Variants in RNF168 observed in about 807,000 individuals in gnomAD.
RNF168 encodes ring finger protein 168.
In RNF168, 34 loss-of-function variants were observed where a neutral mutation model predicts 34.9. The observed-to-expected ratio is 0.97, with a 90% CI of 0.74 to 1.30. The LOEUF is 1.30. Ranked by LOEUF, RNF168 falls within the 50% of genes most tolerant of loss-of-function variation. The pLI, the probability that RNF168 is intolerant of heterozygous loss-of-function variation, is 0.00. For missense variants in RNF168, 725 were observed against 682.5 expected (o/e 1.06, Z -0.69); for synonymous variants, 264 against 254.7 (o/e 1.04, Z -0.35).
chr3:196,500,131 G>A (rs771925157), intron 1 of RNF168, among the ~76,000 whole-genome samples: 15 of 152,072 alleles, frequency 9.9e-5, no homozygotes, highest in Non-Finnish European at 1.9e-4. Flanking sequence ...ATTACCATAG[G>A]ATCTAGAAAT....
intron 1 of RNF168, among the ~76,000 whole-genome samples, chr3:196,489,337 T>A (rs112565105): frequency 6.6e-6 from 1 of 151,794 alleles, no homozygotes; most frequent in Non-Finnish European, 1.5e-5. Context: ...AAAATGTTTT[T>A]TTTTTTTGAG....
chr3:196,499,026 G>A (rs1241380340), intron 1 of RNF168, among the ~76,000 whole-genome samples: 2 of 151,930 alleles, frequency 1.3e-5, no homozygotes, highest in Admixed American at 1.3e-4. Flanking sequence ...TGAACCTTAT[G>A]CTGAATAACC....
chr3:196,471,288 AAAAC>A lies in RNF168; in HGVS notation c.*527_*530del, dbSNP rs1200794138. ...ATTTTGAAACTCCGTCTAAAAAAAA[AAAAC>A]AAACACCAAAGGAAATGCTACAATG... On this transcript the variant is annotated 3_prime_UTR_variant, in exon 6 of 6. Coordinates refer to ENST00000318037, the MANE Select transcript of RNF168 (RefSeq NM_152617.4). The A allele has an allele frequency of 3.3e-5, 5 of 151,648 alleles. No homozygotes were observed. Among genetic ancestry groups the A allele is most frequent in the African/African-American group, 7.3e-5 (3 of 41,366 alleles). 9.4% of individuals were successfully genotyped at this position (151,648 alleles called of 1,614,324 possible). A position where few individuals can be genotyped will look rare whatever the true frequency, so the allele number is the denominator to read the frequency against.
intron 1 of RNF168, among the ~76,000 whole-genome samples, chr3:196,496,604 CTG>C (rs925747453): frequency 6.6e-6 from 1 of 152,218 alleles, no homozygotes; most frequent in Admixed American, 6.5e-5. Context: ...TACAAGGACT[CTG>C]TTGCTGTTTG....
chr3:196,478,749 C>T (rs988987225), intron 4 of RNF168, among the ~76,000 whole-genome samples: 16 of 151,706 alleles, frequency 1.1e-4, no homozygotes, highest in African/African-American at 3.9e-4. Context: ...TCACTGCAAC[C>T]TCTGCCTCCC....
At chr3:196,484,365 G>A (rs1233262016) in intron 3 of RNF168, among the ~76,000 whole-genome samples, 3 of 150,976 alleles carry the variant, frequency 2.0e-5, no homozygotes, top group African/African-American at 7.3e-5. Flanking sequence ...TAGTAGAGAT[G>A]GGGTTTCACT....
chr3:196,496,115 T>A (rs1372644914), intron 1 of RNF168, among the ~76,000 whole-genome samples: 4 of 152,146 alleles, frequency 2.6e-5, no homozygotes, highest in East Asian at 1.9e-4. Flanking sequence ...ATACTGAAAA[T>A]TTTTTAAAAT....
At chr3:196,491,205 C>A (rs989979186) in intron 1 of RNF168, among the ~76,000 whole-genome samples, 1 of 151,948 alleles carries the variant, frequency 6.6e-6, no homozygotes, top group Non-Finnish European at 1.5e-5. Flanking sequence ...CTCAGCTACT[C>A]GGGAGGCTGA....
At chr3:196,474,775 G>A (rs767635778) in intron 5 of RNF168, 6 of 175,010 alleles carry the variant, frequency 3.4e-5, no homozygotes, top group Admixed American at 5.5e-5. Flanking sequence ...AAGTGAAGCT[G>A]GTGCCAGGTA....
rs192584690 is a variant in RNF168 at position 196,488,399 on chromosome 3, A to G, written c.378+208T>C. ...CGGGAGGCTGAGGCAGGAGAATGGCATGAACCCGGGAGGTGGAGGTTGCAG... is the reference window on the plus strand; with the variant it reads ...CGGGAGGCTGAGGCAGGAGAATGGCGTGAACCCGGGAGGTGGAGGTTGCAG... On this transcript the variant is annotated intron_variant, in intron 2 of 5. Transcript: ENST00000318037. Among the ~76,000 whole-genome samples the G allele has an allele frequency of 5.8e-3, 885 of 151,700 alleles. 6 individuals carry two copies. The highest frequency in any genetic ancestry group is 0.011 in the Admixed American group (170 of 15,220).
At chr3:196,479,197 G>C (rs1732226870) in intron 4 of RNF168, among the ~76,000 whole-genome samples, 1 of 145,272 alleles carries the variant, frequency 6.9e-6, no homozygotes, top group South Asian at 2.2e-4. Flanking sequence ...ATTTTTAGTA[G>C]AGATGGGGTT....
chr3:196,480,466 G>A (rs965078504), intron 4 of RNF168, among the ~76,000 whole-genome samples: 48 of 152,286 alleles, frequency 3.2e-4, no homozygotes, highest in African/African-American at 1.1e-3. Context: ...GATTAGTATT[G>A]TGTGATTCTG....
intron 1 of RNF168, among the ~76,000 whole-genome samples, chr3:196,498,096 A>G (rs1224676409): frequency 6.6e-6 from 1 of 152,224 alleles, no homozygotes; most frequent in Admixed American, 6.5e-5. Context: ...CGGCAACCAG[A>G]ACCTGTATGC....
chr3:196,491,467 G>A (rs149932070), intron 1 of RNF168, among the ~76,000 whole-genome samples: 3 of 152,162 alleles, frequency 2.0e-5, no homozygotes, highest in African/African-American at 7.2e-5. Context: ...TGACCAACAC[G>A]GTGAAACCCG....
chr3:196,488,027 G>A (rs1470700391), intron 2 of RNF168, among the ~76,000 whole-genome samples: 1 of 151,722 alleles, frequency 6.6e-6, no homozygotes, highest in African/African-American at 2.4e-5. Context: ...AAAACTTTGG[G>A]GAAATAAAAA....
Position 196,471,944 on chromosome 3 carries a change from C to T in RNF168, c.1591G>A (p.Val531Ile). 2 of 1,614,046 alleles carry T rather than the reference C, an allele frequency of 1.2e-6. No homozygotes were observed. Among genetic ancestry groups the T allele is most frequent in the African/African-American group, 1.3e-5 (1 of 75,050 alleles). ...GAATTTGGCATCTTTCTTCTATTAA[C>T]TGACTGCTTCAACTGCATCTTTAAA... is the stretch of plus-strand genomic sequence containing the variant. ...VSLKMQLKQS[V>I]NRRKMPNSTR... is the part of the protein sequence containing the mutation. The change falls in exon 6 of 6, where the codon GTT (valine) becomes ATT (isoleucine). Residue 531 changes from valine (V) to isoleucine (I), a missense_variant. Physicochemically the swap from Val to Ile is conservative, Grantham distance 29. Transcript: ENST00000318037.
intron 3 of RNF168, 151 bp downstream of exon 3, chr3:196,487,248 C>T (rs534278868): frequency 2.6e-6 from 2 of 780,268 alleles, no homozygotes; most frequent in African/African-American, 1.7e-5. Flanking sequence ...AGGTTCCAAA[C>T]ACTCAAATCC....
chr3:196,475,945 C>T (rs192694100), intron 4 of RNF168, among the ~76,000 whole-genome samples: 9 of 151,812 alleles, frequency 5.9e-5, no homozygotes, highest in East Asian at 5.8e-4. Context: ...CTGCAACCTC[C>T]GCCTCCCGGG....
chr3:196,486,014 T>C (rs558716453), intron 3 of RNF168, among the ~76,000 whole-genome samples: 11 of 152,192 alleles, frequency 7.2e-5, no homozygotes, highest in Non-Finnish European at 1.6e-4. Context: ...CAGGTTACTC[T>C]GCCAGGCTCG....
Sources: allele counts gnomAD v4.1 joint callset (sites outside exome capture counted in the v4.1 genomes callset), GRCh38; gene constraint gnomAD v4.1.1; transcripts MANE v1.5; gene names NCBI Gene and HGNC (gene_info 2026-07-23, HGNC 2026-07-21).